Variants in AJAP1 observed in about 807,000 individuals in gnomAD.
AJAP1 encodes adherens junctions associated protein 1, also known as adherens junction-associated protein 1.
Under a neutral mutation model 35.0 loss-of-function variants are expected in AJAP1, and 5 were observed. The observed-to-expected ratio is 0.14, with a 90% CI of 0.07 to 0.30. AJAP1 has a LOEUF of 0.30. Among genes scored for constraint, AJAP1 ranks in the 10% least tolerant of loss-of-function variants. AJAP1 has a pLI of 1.00. For missense variants in AJAP1, 586 were observed against 571.0 expected, an observed-to-expected ratio of 1.03 and a Z score of -0.27; for synonymous variants, 284 against 249.3, an observed-to-expected ratio of 1.14 and a Z score of -1.31.
At chr1:4,709,879 C>G (rs1479238112) in intron 1 of AJAP1, among the ~76,000 whole-genome samples, 1 of 152,164 alleles carries the variant, frequency 6.6e-6, no homozygotes, top group African/African-American at 2.4e-5. Flanking sequence ...GTAATTAGCA[C>G]TCATTAGCAA....
At chr1:4,668,943 A>G (rs1175794047) in intron 1 of AJAP1, among the ~76,000 whole-genome samples, 4 of 152,244 alleles carry the variant, frequency 2.6e-5, no homozygotes, top group Non-Finnish European at 4.4e-5. Flanking sequence ...CAGTTGCCAC[A>G]GGGCAATTTG....
At chr1:4,726,277 G>A (rs1640657344) in intron 2 of AJAP1, among the ~76,000 whole-genome samples, 1 of 152,184 alleles carries the variant, frequency 6.6e-6, no homozygotes, top group Non-Finnish European at 1.5e-5. Context: ...AGGGTGTGGT[G>A]GAGGGTACCA....
At chr1:4,704,378 A>G (rs186496845) in intron 1 of AJAP1, among the ~76,000 whole-genome samples, 2,342 of 135,716 alleles carry the variant, frequency 0.017, 60 homozygotes, top group African/African-American at 0.061. Flanking sequence ...TCATTGTTCA[A>G]TTCCCACCTA....
intron 1 of AJAP1, among the ~76,000 whole-genome samples, chr1:4,679,133 A>C (rs1315534243): frequency 6.6e-6 from 1 of 152,192 alleles, no homozygotes; most frequent in Non-Finnish European, 1.5e-5. Flanking sequence ...AGCTTTCTCA[A>C]GTTTGGAAGA....
chr1:4,753,622 G>A (rs1483836348), intron 2 of AJAP1, among the ~76,000 whole-genome samples: 2 of 152,126 alleles, frequency 1.3e-5, no homozygotes, highest in Admixed American at 1.3e-4. Flanking sequence ...ACCCGGGCTG[G>A]AGTGCAATGG....
chr1:4,712,353 G>A lies in AJAP1; in HGVS notation c.483G>A (p.Gly161=). Residue 161 remains glycine (G), a synonymous_variant, in exon 2 of 6, where the codon GGG becomes GGA. Transcript: ENST00000378191. ...GGAGGGGCAAGAGGCACCTGCAGGGGGACGGTCTCAGCAGCTTCGACTCCA... is the reference window on the plus strand; with the variant it reads ...GGAGGGGCAAGAGGCACCTGCAGGGAGACGGTCTCAGCAGCTTCGACTCCA... ...LLRRGKRHLQ[G]DGLSSFDSRG... The A allele has an allele frequency of 1.3e-6, 2 of 1,507,926 alleles. No homozygotes were observed. Among genetic ancestry groups the A allele is most frequent in the South Asian group, 1.3e-5 (1 of 75,448 alleles). 93.4% of individuals were successfully genotyped at this position (1,507,926 alleles called of 1,614,324 possible). A position where few individuals can be genotyped will look rare whatever the true frequency, so the allele number is the denominator to read the frequency against.
At chr1:4,771,364 T>C (rs1641829402) in intron 3 of AJAP1, among the ~76,000 whole-genome samples, 1 of 152,154 alleles carries the variant, frequency 6.6e-6, no homozygotes, top group South Asian at 2.1e-4. Context: ...TAGCCAAGAC[T>C]TAGAAGGAGA....
intron 5 of AJAP1, among the ~76,000 whole-genome samples, chr1:4,778,629 C>T (rs866515158): frequency 2.2e-4 from 33 of 150,820 alleles, no homozygotes; most frequent in Admixed American, 4.6e-4. Context: ...TCTGTCTCTC[C>T]CCCTCTCCCT....
intron 1 of AJAP1, among the ~76,000 whole-genome samples, chr1:4,694,289 A>G (rs1639808998): frequency 6.6e-6 from 1 of 152,190 alleles, no homozygotes. Flanking sequence ...GTGGTCTTGT[A>G]ATTGAGCAGA....
intron 2 of AJAP1, among the ~76,000 whole-genome samples, chr1:4,750,677 C>T (rs1321217896): frequency 6.6e-6 from 1 of 151,464 alleles, no homozygotes; most frequent in Non-Finnish European, 1.5e-5. Flanking sequence ...CACAGTGAGC[C>T]TCAGAAATCT....
At chr1:4,773,320 C>T (rs929469179) in intron 4 of AJAP1, among the ~76,000 whole-genome samples, 6 of 152,148 alleles carry the variant, frequency 3.9e-5, no homozygotes, top group South Asian at 2.1e-4. Flanking sequence ...TGACTGGACT[C>T]GAGTTGTTTT....
chr1:4,704,869 T>C (rs2100252020), intron 1 of AJAP1, among the ~76,000 whole-genome samples: 1 of 152,368 alleles, frequency 6.6e-6, no homozygotes, highest in East Asian at 1.9e-4. Flanking sequence ...TGAGATGGTA[T>C]CTCATTGTGG....
chr1:4,727,474 C>T (rs761605758), intron 2 of AJAP1, among the ~76,000 whole-genome samples: 7 of 152,230 alleles, frequency 4.6e-5, no homozygotes, highest in African/African-American at 1.4e-4. Flanking sequence ...GCGCTGACCC[C>T]GTCTGTGTCT....
chr1:4,746,947 C>T (rs1294376120), intron 2 of AJAP1, among the ~76,000 whole-genome samples: 3 of 152,180 alleles, frequency 2.0e-5, no homozygotes, highest in African/African-American at 4.8e-5. Flanking sequence ...ATAGGAGCGC[C>T]AAGGTAAAAG....
intron 1 of AJAP1, among the ~76,000 whole-genome samples, chr1:4,687,115 GCT>G (rs1639623391): frequency 6.6e-6 from 1 of 152,032 alleles, no homozygotes; most frequent in Non-Finnish European, 1.5e-5. Flanking sequence ...CCTTTTCCTC[GCT>G]CTTTCCTTTC....
chr1:4,761,232 T>G (rs1011465873), intron 2 of AJAP1, among the ~76,000 whole-genome samples: 1 of 152,218 alleles, frequency 6.6e-6, no homozygotes, highest in East Asian at 1.9e-4. Flanking sequence ...GTGCTGAGAT[T>G]TTGCCAAGAA....
intron 1 of AJAP1, among the ~76,000 whole-genome samples, chr1:4,667,208 C>T (rs1639149438): frequency 6.6e-6 from 1 of 152,104 alleles, no homozygotes; most frequent in Non-Finnish European, 1.5e-5. Flanking sequence ...GGTCAGTTGC[C>T]ATGATTCCCA....
intron 2 of AJAP1, among the ~76,000 whole-genome samples, chr1:4,755,485 G>A (rs111693735): frequency 2.5e-4 from 38 of 152,140 alleles, no homozygotes; most frequent in African/African-American, 4.1e-4. Flanking sequence ...GCCTGGCCAC[G>A]GGGCTCTGTT....
intron 2 of AJAP1, among the ~76,000 whole-genome samples, chr1:4,756,248 T>A (rs114144446): frequency 0.024 from 3,720 of 152,158 alleles, 130 homozygotes; most frequent in African/African-American, 0.074. Context: ...CAGCCCACAG[T>A]GGTGAGGGGC....
Sources: gnomAD v4.1 joint callset for allele counts (sites outside exome capture counted in the v4.1 genomes callset) on GRCh38, gnomAD v4.1.1 for gene constraint, MANE v1.5 for transcripts, NCBI Gene and HGNC (gene_info 2026-07-23, HGNC 2026-07-21) for gene names.